The following MYO3B variants were observed in gnomAD, a reference collection of about 807,000 sequenced individuals.
The protein encoded by MYO3B is myosin IIIB, also known as myosin-IIIb.
MYO3B carries 156 observed loss-of-function variants against 174.6 expected under a neutral mutation model. The ratio of observed to expected loss-of-function variants is 0.89; its 90% CI spans 0.78 to 1.02. The LOEUF is 1.02. Among genes scored for constraint, MYO3B ranks in the 50% least tolerant of loss-of-function variants. MYO3B has a pLI of 0.00. For synonymous variants in MYO3B, 563 were observed against 569.1 expected, an observed-to-expected ratio of 0.99 and a Z score of 0.15; for missense variants, 1,632 against 1,639.4, an observed-to-expected ratio of 1.00 and a Z score of 0.08.
intron 7 of MYO3B, among the ~76,000 whole-genome samples, chr2:170,237,964 A>G (rs2093090281): frequency 6.6e-6 from 1 of 152,208 alleles, no homozygotes; most frequent in Non-Finnish European, 1.5e-5. Context: ...CACAACCTTA[A>G]TGGCTGACGT....
chr2:170,223,232 CTT>C (rs760854717), intron 6 of MYO3B, among the ~76,000 whole-genome samples: 3 of 152,130 alleles, frequency 2.0e-5, no homozygotes, highest in Non-Finnish European at 4.4e-5. Flanking sequence ...TGACCTAAAA[CTT>C]TAGCCTGCAT....
At chr2:170,296,216 T>C (rs2093627895) in intron 7 of MYO3B, among the ~76,000 whole-genome samples, 1 of 152,196 alleles carries the variant, frequency 6.6e-6, no homozygotes, top group African/African-American at 2.4e-5. Flanking sequence ...TGATGGATCA[T>C]GCGCTGAGAG....
chr2:170,556,842 T>C lies in MYO3B; in HGVS notation c.3733+12854T>C, dbSNP rs927524720. 7.9e-5 allele frequency among the ~76,000 whole-genome samples: 12 copies of C among 152,326 alleles called. 1 individual carries two copies. The highest frequency in any genetic ancestry group is 7.2e-4 in the Admixed American group (11 of 15,304). On this transcript the variant is annotated intron_variant, in intron 32 of 34. Transcript: ENST00000408978. ...TGGCCAGATTTTGACATTTTAATAG[T>C]TGTGTAGTCACATCTCATTATTTTA...
intron 8 of MYO3B, among the ~76,000 whole-genome samples, chr2:170,360,053 C>G (rs992551836): frequency 9.2e-5 from 14 of 152,084 alleles, no homozygotes; most frequent in Admixed American, 2.6e-4. Flanking sequence ...AATATAATGT[C>G]TTCTGTTTGA....
At chr2:170,646,212 G>A (rs1488935861) in intron 32 of MYO3B, among the ~76,000 whole-genome samples, 3 of 151,322 alleles carry the variant, frequency 2.0e-5, no homozygotes, top group South Asian at 2.1e-4. Flanking sequence ...CGGAGGTTGC[G>A]GTGAGCCGAG....
chr2:170,180,799 A>C (rs2092389403), intron 1 of MYO3B, among the ~76,000 whole-genome samples: 1 of 152,326 alleles, frequency 6.6e-6, no homozygotes, highest in African/African-American at 2.4e-5. Flanking sequence ...CATACACACA[A>C]ATATACACAT....
intron 22 of MYO3B, among the ~76,000 whole-genome samples, chr2:170,438,696 A>G (rs1483308240): frequency 1.3e-5 from 2 of 151,762 alleles, no homozygotes; most frequent in Non-Finnish European, 2.9e-5. Context: ...GTGCAGTGGC[A>G]TGATTTTGGC....
chr2:170,391,743 G>C (rs1226500019), intron 15 of MYO3B, 125 bp downstream of exon 15: 3 of 611,622 alleles, frequency 4.9e-6, no homozygotes, highest in Non-Finnish European at 8.6e-6. Context: ...AAAGTGCCCA[G>C]GGTGAGGTGG....
At chr2:170,470,103 A>C (rs1307083957) in intron 25 of MYO3B, among the ~76,000 whole-genome samples, 1 of 53,642 alleles carries the variant, frequency 1.9e-5, no homozygotes, top group Admixed American at 2.1e-4. Context: ...ACTCCGTCTC[A>C]AAAAAAAAAA....
intron 15 of MYO3B, 35 bp downstream of exon 15, chr2:170,391,653 T>C: frequency 8.3e-7 from 1 of 1,202,580 alleles, no homozygotes; most frequent in Non-Finnish European, 1.2e-6. Flanking sequence ...TAATTTTTGA[T>C]GAATGTACGA....
chr2:170,648,394 C>G (rs1265175738), intron 32 of MYO3B, among the ~76,000 whole-genome samples: 2 of 151,902 alleles, frequency 1.3e-5, no homozygotes, highest in African/African-American at 4.8e-5. Flanking sequence ...CTTTGGGAGG[C>G]TGAGCTGGGC....
intron 7 of MYO3B, among the ~76,000 whole-genome samples, chr2:170,237,355 C>T (rs955269997): frequency 2.6e-5 from 4 of 152,066 alleles, no homozygotes; most frequent in African/African-American, 9.7e-5. Flanking sequence ...AATGTGGCAA[C>T]ATAATTTCCT....
At chr2:170,578,070 A>G (rs902864455) in intron 32 of MYO3B, among the ~76,000 whole-genome samples, 1 of 152,222 alleles carries the variant, frequency 6.6e-6, no homozygotes, top group African/African-American at 2.4e-5. Context: ...CCCTCTCTAA[A>G]CAAGGTTGCA....
intron 9 of MYO3B, among the ~76,000 whole-genome samples, chr2:170,375,659 AG>A (rs1207561144): frequency 1.3e-5 from 2 of 151,790 alleles, no homozygotes; most frequent in African/African-American, 4.8e-5. Context: ...TTTAACTGCT[AG>A]TTTTCCCCAG....
In MYO3B at chr2:170,652,091, C is replaced by T. The variant is rs772275247; in HGVS notation, c.3841-17C>T. ...TGCTGCTTTGCTTTGACTGTGTGTTCTTGGCCCTCTCCACAGGGAACTCTA... is the reference window on the plus strand; with the variant it reads ...TGCTGCTTTGCTTTGACTGTGTGTTTTTGGCCCTCTCCACAGGGAACTCTA... On this transcript the variant is annotated splice_polypyrimidine_tract_variant and intron_variant, in intron 33 of 34. Coordinates refer to ENST00000408978, the MANE Select transcript of MYO3B (RefSeq NM_138995.5). 1 of 1,610,116 alleles carries T rather than the reference C, an allele frequency of 6.2e-7. No homozygotes were observed. Among genetic ancestry groups the T allele is most frequent in the African/African-American group, 1.3e-5 (1 of 74,786 alleles).
chr2:170,629,902 A>G (rs956159792), intron 32 of MYO3B, among the ~76,000 whole-genome samples: 1 of 151,802 alleles, frequency 6.6e-6, no homozygotes, highest in Non-Finnish European at 1.5e-5. Context: ...AATTCCTCTA[A>G]TGAACTCAGC....
intron 6 of MYO3B, among the ~76,000 whole-genome samples, chr2:170,234,943 A>C (rs2093054423): frequency 6.6e-6 from 1 of 152,232 alleles, no homozygotes; most frequent in Non-Finnish European, 1.5e-5. Flanking sequence ...TCCTCTGCAC[A>C]GTAGCCAGAG....
chr2:170,269,113 T>C (rs2093406254), intron 7 of MYO3B, among the ~76,000 whole-genome samples: 1 of 152,212 alleles, frequency 6.6e-6, no homozygotes, highest in Non-Finnish European at 1.5e-5. Flanking sequence ...TTGTACACCT[T>C]ACAGGCTGCC....
intron 31 of MYO3B, 92 bp downstream of exon 31, chr2:170,543,058 G>C (rs1245472677): frequency 9.8e-7 from 1 of 1,025,240 alleles, no homozygotes; most frequent in South Asian, 1.7e-5. Context: ...CGGCTGCGTG[G>C]TTGGACCATC....
Sources: gnomAD v4.1 joint callset for allele counts (sites outside exome capture counted in the v4.1 genomes callset) on GRCh38, gnomAD v4.1.1 for gene constraint, MANE v1.5 for transcripts, NCBI Gene and HGNC (gene_info 2026-07-23, HGNC 2026-07-21) for gene names.